KAT6B: variants seen among roughly 807,000 people sequenced by gnomAD.
KAT6B encodes lysine acetyltransferase 6B.
In KAT6B, 10 loss-of-function variants were observed where a neutral mutation model predicts 187.5. The ratio of observed to expected loss-of-function variants is 0.05; its 90% confidence interval spans 0.03 to 0.09. The LOEUF is 0.09. KAT6B is among the 10% of genes least tolerant of loss of function. The pLI is 1.00. For missense variants in KAT6B, 1,952 were observed against 2,558.9 expected (o/e 0.76, Z 5.12); for synonymous variants, 861 against 926.8 (o/e 0.93, Z 1.29).
intron 3 of KAT6B, among the ~76,000 whole-genome samples, chr10:74,858,166 C>T (rs1026209296): frequency 0.36 from 103 of 288 alleles, no homozygotes; most frequent in South Asian, 0.45. Context: ...AGAGCAGGAA[C>T]GGGGGCGTGC....
At chr10:74,939,684 C>T (rs935806392) in intron 3 of KAT6B, among the ~76,000 whole-genome samples, 1 of 152,144 alleles carries the variant, frequency 6.6e-6, no homozygotes, top group Non-Finnish European at 1.5e-5. Context: ...CAGGCGTGAG[C>T]CACTGTGCCC....
rs564812402 is a variant in KAT6B, at chr10:74,925,223, G to A, written c.622-34747G>A. 2.0e-5 allele frequency among the ~76,000 whole-genome samples: 3 copies of A among 152,102 alleles called. No homozygotes were observed. In the South Asian group the frequency reaches 6.2e-4, roughly 32 times the overall value. On this transcript the variant is annotated intron_variant, in intron 3 of 17. Coordinates refer to ENST00000287239, the MANE Select transcript of KAT6B (RefSeq NM_012330.4). ...GTCTGGCTAATTTTTGTATTATTTA[G>A]TAGAGACAGGGTTTTGCCATGTTGG...
chr10:75,005,469 C>T (rs780472043), intron 13 of KAT6B, among the ~76,000 whole-genome samples: 1 of 152,290 alleles, frequency 6.6e-6, no homozygotes, highest in African/African-American at 2.4e-5. Context: ...CCACCCACCT[C>T]AGCCTCCCAA....
chr10:74,910,631 A>G (rs549145784), intron 3 of KAT6B, among the ~76,000 whole-genome samples: 28 of 143,190 alleles, frequency 2.0e-4, no homozygotes, highest in Admixed American at 1.8e-3. Context: ...TTTTGGTGAT[A>G]TTTTTCCATA....
intron 3 of KAT6B, among the ~76,000 whole-genome samples, chr10:74,893,668 C>T (rs1436099677): frequency 6.6e-6 from 1 of 151,448 alleles, no homozygotes. Context: ...TGGGGTTTCA[C>T]CATATTGGCC....
At chr10:74,969,381 AT>A (rs1246853629) in intron 4 of KAT6B, among the ~76,000 whole-genome samples, 2 of 152,200 alleles carry the variant, frequency 1.3e-5, no homozygotes, top group African/African-American at 4.8e-5. Context: ...AGCCTGTGTT[AT>A]CTTCAAGTTC....
intron 3 of KAT6B, among the ~76,000 whole-genome samples, chr10:74,854,667 G>C (rs1842701022): frequency 6.6e-6 from 1 of 152,074 alleles, no homozygotes; most frequent in African/African-American, 2.4e-5. Flanking sequence ...GAATTCTTTA[G>C]CCACTATTTT....
At chr10:74,943,481 A>G (rs948338053) in intron 3 of KAT6B, among the ~76,000 whole-genome samples, 5 of 152,190 alleles carry the variant, frequency 3.3e-5, no homozygotes, top group African/African-American at 1.2e-4. Context: ...AATTTGTGAC[A>G]AAGGATTTGA....
intron 16 of KAT6B, among the ~76,000 whole-genome samples, chr10:75,023,158 A>G (rs1410116975): frequency 6.6e-6 from 1 of 152,244 alleles, no homozygotes; most frequent in Non-Finnish European, 1.5e-5. Flanking sequence ...CTTTGTTTTT[A>G]GGTAACTGCT....
In KAT6B at chr10:75,028,932, G is replaced by A; in HGVS notation, c.4108G>A (p.Glu1370Lys). 6.2e-7 allele frequency: 1 copy of A among 1,608,512 alleles called. No homozygotes were observed. Among genetic ancestry groups the A allele is most frequent in the East Asian group, 2.2e-5 (1 of 44,784 alleles). ...EEEEEEEEEG[E>K]EEEGGGNVEK... Reference sequence around the variant, plus strand: ...GGAAGAAGAGGAAGAAGAGGAAGGGGAAGAAGAAGAAGGAGGAGGAAATGT... The same window carrying A: ...GGAAGAAGAGGAAGAAGAGGAAGGGAAAGAAGAAGAAGGAGGAGGAAATGT... Residue 1370 changes from glutamate to lysine, a missense_variant, in exon 18 of 18, where the codon GAA becomes AAA. Physicochemically the swap from Glu to Lys is moderately conservative, Grantham distance 56. Transcript: ENST00000287239.
intron 3 of KAT6B, among the ~76,000 whole-genome samples, chr10:74,894,012 T>G (rs1378828987): frequency 3.9e-5 from 6 of 152,210 alleles, no homozygotes; most frequent in African/African-American, 1.4e-4. Flanking sequence ...ATAATAAAGG[T>G]CACGTCCCCA....
In KAT6B at chr10:74,976,020, A is replaced by G; in HGVS notation, c.1683A>G (p.Gly561=). The G allele has an allele frequency of 6.2e-7, 1 of 1,614,108 alleles. No individual in the cohort carries two copies. The highest frequency in any genetic ancestry group is 8.5e-7 in the Non-Finnish European group (1 of 1,180,008). ...YTTQGQSRKK[G]HPSYAPPKRM... ...CTCAGGGACAGTCTCGCAAAAAGGG[A>G]CACCCGAGTTATGCACCACCCAAAC... Residue 561 remains glycine (G), a synonymous_variant, in exon 8 of 18, where the codon GGA becomes GGG. Coordinates refer to ENST00000287239, the MANE Select transcript of KAT6B (RefSeq NM_012330.4).
rs58164194 is a variant in KAT6B, at chr10:74,944,808, CAAAAAAAAAAAA to C, written c.622-15148_622-15137del. Among the ~76,000 whole-genome samples, 137 of 32,916 alleles carry C rather than the reference CAAAAAAAAAAAA, an allele frequency of 4.2e-3. 1 individual carries two copies. The highest frequency in any genetic ancestry group is 0.017 in the South Asian group (10 of 602). 21.6% of individuals were successfully genotyped at this position (32,916 alleles called of 152,430 possible). On this transcript the variant is annotated intron_variant, in intron 3 of 17. Transcript: ENST00000287239. Reference sequence around the variant, plus strand: ...CGGGCGACAGAGCGAGACTCCGTCTCAAAAAAAAAAAAAAAAAAAAAAAAAGGATATGCATAT... The same window carrying C: ...CGGGCGACAGAGCGAGACTCCGTCTCAAAAAAAAAAAAAGGATATGCATAT...
At chr10:74,830,974 A>C (rs1840811915) in intron 1 of KAT6B, among the ~76,000 whole-genome samples, 1 of 150,738 alleles carries the variant, frequency 6.6e-6, no homozygotes, top group African/African-American at 2.4e-5. Flanking sequence ...TTTTTAGTAG[A>C]GATGGGGTTT....
chr10:74,924,680 C>T (rs1848365136), intron 3 of KAT6B, among the ~76,000 whole-genome samples: 1 of 152,168 alleles, frequency 6.6e-6, no homozygotes, highest in Non-Finnish European at 1.5e-5. Context: ...ACTTCTTAAC[C>T]ATGAAATTGA....
At chr10:74,871,381 T>TG (rs1309673934) in intron 3 of KAT6B, among the ~76,000 whole-genome samples, 1 of 149,678 alleles carries the variant, frequency 6.7e-6, no homozygotes, top group Non-Finnish European at 1.5e-5. Context: ...TTAGTAGAGA[T>TG]GGGGTTTCAC....
At chr10:75,020,413 C>A (rs970089734) in intron 13 of KAT6B, among the ~76,000 whole-genome samples, 169 bp from the exon 14 acceptor site, 11 of 152,228 alleles carry the variant, frequency 7.2e-5, no homozygotes, top group African/African-American at 2.2e-4. Flanking sequence ...GCGTAAACTT[C>A]ACGGAGATCA....
chr10:75,028,399 T>C (rs1232611100), intron 17 of KAT6B, 90 bp from the exon 18 acceptor site: 3 of 1,577,604 alleles, frequency 1.9e-6, no homozygotes, highest in Non-Finnish European at 2.6e-6. Flanking sequence ...CAGTGTTTGC[T>C]AATTAATTTA....
intron 3 of KAT6B, among the ~76,000 whole-genome samples, chr10:74,889,645 G>A (rs1342865979): frequency 3.3e-5 from 5 of 152,202 alleles, no homozygotes; most frequent in South Asian, 4.1e-4. Context: ...AAATCAAGGA[G>A]CCTTATCCAA....
Sources: allele counts gnomAD v4.1 joint callset (sites outside exome capture counted in the v4.1 genomes callset), GRCh38; gene constraint gnomAD v4.1.1; transcripts MANE v1.5; gene names NCBI Gene and HGNC (gene_info 2026-07-23, HGNC 2026-07-21).